LMF1: variants seen among roughly 807,000 people sequenced by gnomAD.
LMF1 encodes lipase maturation factor 1.
Under a neutral mutation model 60.6 loss-of-function variants are expected in LMF1, and 68 were observed. That is an observed-to-expected ratio of 1.12 (90% CI 0.92 to 1.37). The LOEUF (loss-of-function observed/expected upper bound fraction) is 1.37. Ranked by LOEUF, LMF1 falls within the 40% of genes most tolerant of loss-of-function variation. The probability of loss-of-function intolerance (pLI) is 0.00; values close to 1 mark genes in which losing one functional copy is unlikely to be tolerated. For missense variants in LMF1, 948 were observed against 767.2 expected (o/e 1.24, Z -2.78); for synonymous variants, 418 against 324.7 (o/e 1.29, Z -3.09).
intron 10 of LMF1, among the ~76,000 whole-genome samples, chr16:866,398 T>C (rs892374641): frequency 2.7e-5 from 4 of 150,460 alleles, no homozygotes; most frequent in African/African-American, 7.3e-5. Context: ...ATGGCGGGGG[T>C]GGCCTAGTCA....
intron 4 of LMF1, among the ~76,000 whole-genome samples, chr16:906,902 C>T (rs1277892360): frequency 2.0e-5 from 3 of 152,148 alleles, no homozygotes; most frequent in African/African-American, 7.2e-5. Context: ...TGACGATGGA[C>T]AGTTTAACAA....
At chr16:863,010 T>C (rs1019522532) in intron 10 of LMF1, among the ~76,000 whole-genome samples, 4 of 152,242 alleles carry the variant, frequency 2.6e-5, no homozygotes, top group African/African-American at 9.6e-5. Flanking sequence ...AATTTCTAGT[T>C]ATAGGGCTAT....
At chr16:966,607 GATAT>G (rs35185344) in intron 1 of LMF1, among the ~76,000 whole-genome samples, 72,462 of 151,838 alleles carry the variant, frequency 0.48, 19,083 homozygotes, top group African/African-American at 0.71. Context: ...CCGACGTTCA[GATAT>G]ATATACTCCG....
At chr16:939,941 T>C (rs2072050534) in intron 2 of LMF1, among the ~76,000 whole-genome samples, 1 of 152,084 alleles carries the variant, frequency 6.6e-6, no homozygotes, top group South Asian at 2.1e-4. Context: ...AAAAGGGGTC[T>C]CTGTGGAGGT....
chr16:923,028 CCT>C (rs2071486086), intron 3 of LMF1, among the ~76,000 whole-genome samples: 1 of 126,310 alleles, frequency 7.9e-6, no homozygotes, highest in Non-Finnish European at 1.6e-5. Context: ...TTGCGAAGGC[CCT>C]GTGTGAAGGT....
At chr16:946,270 C>T (rs935053912) in intron 2 of LMF1, among the ~76,000 whole-genome samples, 1 of 152,262 alleles carries the variant, frequency 6.6e-6, no homozygotes, top group East Asian at 1.9e-4. Context: ...GGGGAGGGGA[C>T]AGCTGGCTGG....
chr16:927,643 G>A (rs1271168180), intron 3 of LMF1, among the ~76,000 whole-genome samples: 3 of 152,216 alleles, frequency 2.0e-5, no homozygotes, highest in African/African-American at 4.8e-5. Context: ...GGCGGGGACT[G>A]GGGCTGCTTG....
chr16:964,397 C>T (rs1461888482), intron 1 of LMF1, among the ~76,000 whole-genome samples: 4 of 152,078 alleles, frequency 2.6e-5, no homozygotes, highest in Non-Finnish European at 5.9e-5. Context: ...CCAGAAATGC[C>T]GTTCTCTGTT....
intron 3 of LMF1, among the ~76,000 whole-genome samples, chr16:928,184 C>T (rs1461244232): frequency 3.3e-5 from 5 of 152,232 alleles, no homozygotes; most frequent in Non-Finnish European, 5.9e-5. Flanking sequence ...ATTCCTCGCA[C>T]CCGCTACGTG....
At chr16:875,038 G>GGCCAC (rs1397926367) in intron 6 of LMF1, among the ~76,000 whole-genome samples, 1 of 152,202 alleles carries the variant, frequency 6.6e-6, no homozygotes, top group East Asian at 1.9e-4. Context: ...GGGGACGCCA[G>GGCCAC]GCCACGCCGC....
chr16:885,994 T>C (rs1282737734), intron 5 of LMF1, among the ~76,000 whole-genome samples: 2 of 152,212 alleles, frequency 1.3e-5, no homozygotes, highest in African/African-American at 2.4e-5. Flanking sequence ...TCAAGGCATA[T>C]CAAGTATATT....
At chr16:973,401 G>C (rs1240444283), upstream of LMF1, among the ~76,000 whole-genome samples, 1 of 152,202 alleles carries the variant, frequency 6.6e-6, no homozygotes, top group Non-Finnish European at 1.5e-5. Context: ...CTACAACACA[G>C]ATGAACCTCA....
intron 2 of LMF1, among the ~76,000 whole-genome samples, chr16:949,485 CAG>C (rs2151464262): frequency 6.9e-6 from 1 of 144,680 alleles, no homozygotes; most frequent in East Asian, 2.1e-4. Context: ...ACGACAGAGT[CAG>C]AGACAACGAC....
chr16:900,737 G>C (rs2070790642), intron 4 of LMF1: 1 of 141,826 alleles, frequency 7.1e-6, no homozygotes, highest in South Asian at 2.3e-4. Context: ...GTGTGTTTTA[G>C]TACAGACGGG....
intron 1 of LMF1, among the ~76,000 whole-genome samples, chr16:957,332 G>A (rs2151482058): frequency 6.6e-6 from 1 of 152,264 alleles, no homozygotes; most frequent in East Asian, 1.9e-4. Flanking sequence ...TGTCTGTGTA[G>A]ACATGTAGGA....
At chr16:922,567 C>A (rs148548764) in intron 3 of LMF1, among the ~76,000 whole-genome samples, 1 of 149,954 alleles carries the variant, frequency 6.7e-6, no homozygotes, top group Non-Finnish European at 1.5e-5. Context: ...CGTGTTGTTG[C>A]GAAGGCCCTG....
intron 4 of LMF1, chr16:902,164 T>G (rs1428851940): frequency 3.9e-5 from 6 of 152,490 alleles, no homozygotes; most frequent in Non-Finnish European, 5.9e-5. Flanking sequence ...AGGGGAGCTC[T>G]GGGAGCCAGG....
intron 3 of LMF1, among the ~76,000 whole-genome samples, chr16:916,587 C>T (rs113029656): frequency 1.2e-3 from 179 of 152,332 alleles, no homozygotes; most frequent in African/African-American, 3.9e-3. Context: ...CGCTGCGCGC[C>T]AGTGGCGGGG....
intron 4 of LMF1, among the ~76,000 whole-genome samples, chr16:893,813 T>C (rs1023832685): frequency 1.6e-4 from 24 of 152,202 alleles, no homozygotes; most frequent in African/African-American, 4.8e-4. Context: ...CTGTCCCCTC[T>C]TCCCGCTAAC....
Sources: allele counts gnomAD v4.1 joint callset (sites outside exome capture counted in the v4.1 genomes callset), GRCh38; gene constraint gnomAD v4.1.1; transcripts MANE v1.5; gene names NCBI Gene and HGNC (gene_info 2026-07-23, HGNC 2026-07-21).